NAALADL2: variants seen among roughly 807,000 people sequenced by gnomAD.
NAALADL2 encodes inactive N-acetylated-alpha-linked acidic dipeptidase-like protein 2.
NAALADL2 carries 76 observed loss-of-function variants against 87.2 expected under a neutral mutation model. The ratio of observed to expected loss-of-function variants is 0.87; its 90% confidence interval spans 0.72 to 1.05. The LOEUF (loss-of-function observed/expected upper bound fraction) is 1.05. Among genes scored for constraint, NAALADL2 ranks in the 50% least tolerant of loss-of-function variants. The pLI is 0.00. For synonymous variants in NAALADL2, 354 were observed against 331.0 expected (o/e 1.07, Z -0.75); for missense variants, 1,089 against 945.8 (o/e 1.15, Z -1.99).
intron 1 of NAALADL2, among the ~76,000 whole-genome samples, chr3:174,474,826 A>G (rs1351169606): frequency 2.0e-5 from 3 of 152,160 alleles, no homozygotes; most frequent in Admixed American, 1.3e-4. Flanking sequence ...AAAGCAATTG[A>G]GAATTTTGTT....
chr3:174,648,455 T>A (rs1461255697), intron 2 of NAALADL2, among the ~76,000 whole-genome samples: 1 of 152,120 alleles, frequency 6.6e-6, no homozygotes, highest in Non-Finnish European at 1.5e-5. Flanking sequence ...TTAGAACATA[T>A]CCTCTGCAGA....
At chr3:174,491,405 A>G (rs1237514499) in intron 1 of NAALADL2, among the ~76,000 whole-genome samples, 1 of 152,172 alleles carries the variant, frequency 6.6e-6, no homozygotes, top group Admixed American at 6.5e-5. Flanking sequence ...GTTCATTTAC[A>G]TAGTTATTTT....
chr3:174,495,679 AT>A (rs1291323462), intron 1 of NAALADL2, among the ~76,000 whole-genome samples: 1 of 31,944 alleles, frequency 3.1e-5, no homozygotes, highest in Non-Finnish European at 6.6e-5. Flanking sequence ...TTCACAGGGG[AT>A]ACTGAATCCA....
intron 1 of NAALADL2, among the ~76,000 whole-genome samples, chr3:174,973,361 C>T (rs1579805091): frequency 1.3e-5 from 2 of 152,212 alleles, no homozygotes; most frequent in African/African-American, 4.8e-5. Context: ...TTGCGATAAA[C>T]ACTATATGGT....
intron 11 of NAALADL2, among the ~76,000 whole-genome samples, chr3:175,674,824 T>C (rs1245782833): frequency 6.6e-6 from 1 of 152,226 alleles, no homozygotes; most frequent in Non-Finnish European, 1.5e-5. Context: ...GAGTTAGTTA[T>C]ACTTAAAAAC....
chr3:175,349,949 G>A (rs1288083823), intron 5 of NAALADL2, among the ~76,000 whole-genome samples: 1 of 150,610 alleles, frequency 6.6e-6, no homozygotes, highest in Non-Finnish European at 1.5e-5. Flanking sequence ...AGACATGACT[G>A]TCATTAATCC....
intron 5 of NAALADL2, among the ~76,000 whole-genome samples, chr3:175,355,090 G>T (rs1196884683): frequency 1.4e-5 from 2 of 144,932 alleles, no homozygotes; most frequent in East Asian, 2.0e-4. Flanking sequence ...TTTCTTTGAG[G>T]CAGAGTCTTG....
intron 1 of NAALADL2, among the ~76,000 whole-genome samples, chr3:174,874,493 CAT>C (rs911771722): frequency 5.9e-5 from 9 of 152,144 alleles, no homozygotes; most frequent in East Asian, 1.9e-4. Context: ...GCTGACAAAA[CAT>C]GTGTGATGTG....
chr3:174,672,468 A>AT (rs869260080), intron 2 of NAALADL2, among the ~76,000 whole-genome samples: 16 of 86,518 alleles, frequency 1.8e-4, no homozygotes, highest in Non-Finnish European at 3.2e-4. Flanking sequence ...TCAGATAAAA[A>AT]TTCTGACCTT....
In NAALADL2 at chr3:175,324,297, C is replaced by A. The variant is rs1176154217; in HGVS notation, c.1062C>A (p.Asp354Glu). The change falls in exon 5 of 14, where the codon GAC becomes GAA. Residue 354 changes from aspartate to glutamate, a missense_variant. Physicochemically the swap from Asp to Glu is conservative, Grantham distance 45. Transcript: ENST00000454872. ...TFMVSLNPGG[D>E]PSTPGYPSVD... Reference sequence around the variant, plus strand: ...TGGTGTCACTGAATCCAGGAGGAGACCCTTCTACGCCTGGTTACCCAAGTG... The same window carrying A: ...TGGTGTCACTGAATCCAGGAGGAGAACCTTCTACGCCTGGTTACCCAAGTG... 1 of 1,611,830 alleles carries A rather than the reference C, an allele frequency of 6.2e-7. No individual in the cohort carries two copies. Among genetic ancestry groups the A allele is most frequent in the East Asian group, 2.2e-5 (1 of 44,744 alleles).
chr3:175,011,270 GACA>G (rs1560472179), intron 1 of NAALADL2, among the ~76,000 whole-genome samples: 47 of 112,634 alleles, frequency 4.2e-4, no homozygotes, highest in Middle Eastern at 5.1e-3. Context: ...GAGGGAGAGA[GACA>G]GAGAGACAGA....
intron 10 of NAALADL2, among the ~76,000 whole-genome samples, chr3:175,583,868 G>C (rs4323016): frequency 6.6e-6 from 1 of 152,096 alleles, no homozygotes; most frequent in South Asian, 2.1e-4. Context: ...TTGCCAAGAG[G>C]ACAGTAAAAT....
At chr3:174,947,188 G>C (rs1739564281) in intron 1 of NAALADL2, among the ~76,000 whole-genome samples, 2 of 152,148 alleles carry the variant, frequency 1.3e-5, no homozygotes, top group South Asian at 4.1e-4. Flanking sequence ...CTATATTATA[G>C]TTATTCTGGT....
intron 2 of NAALADL2, among the ~76,000 whole-genome samples, chr3:174,725,851 C>T (rs1732130284): frequency 6.6e-6 from 1 of 152,252 alleles, no homozygotes; most frequent in Middle Eastern, 3.4e-3. Flanking sequence ...GTCTCTAAAG[C>T]GGCACCAGAG....
At chr3:174,960,060 C>T (rs1741750856) in intron 1 of NAALADL2, among the ~76,000 whole-genome samples, 1 of 151,786 alleles carries the variant, frequency 6.6e-6, no homozygotes, top group South Asian at 2.1e-4. Context: ...GGCTGCAGAC[C>T]CCGTAGTTAA....
At chr3:174,642,749 C>A (rs1723352681) in intron 2 of NAALADL2, among the ~76,000 whole-genome samples, 1 of 130,240 alleles carries the variant, frequency 7.7e-6, no homozygotes, top group Non-Finnish European at 1.7e-5. Context: ...TGAAAAAAAA[C>A]ATATATATAT....
chr3:175,103,963 T>A (rs1722669035), intron 2 of NAALADL2, among the ~76,000 whole-genome samples: 1 of 152,194 alleles, frequency 6.6e-6, no homozygotes, highest in African/African-American at 2.4e-5. Context: ...TTCTCACCAG[T>A]ACTAATTTAC....
At chr3:175,730,405 T>C (rs1409184606) in intron 11 of NAALADL2, among the ~76,000 whole-genome samples, 2 of 56,352 alleles carry the variant, frequency 3.5e-5, no homozygotes, top group Admixed American at 3.2e-4. Context: ...GATATATATA[T>C]ATATATATAT....
intron 2 of NAALADL2, among the ~76,000 whole-genome samples, chr3:175,127,833 A>G (rs1727200912): frequency 6.6e-6 from 1 of 152,174 alleles, no homozygotes; most frequent in Non-Finnish European, 1.5e-5. Flanking sequence ...AGCCTGGGCA[A>G]CATAGCAAGA....
Sources: gnomAD v4.1 joint callset for allele counts (sites outside exome capture counted in the v4.1 genomes callset) on GRCh38, gnomAD v4.1.1 for gene constraint, MANE v1.5 for transcripts, NCBI Gene and HGNC (gene_info 2026-07-23, HGNC 2026-07-21) for gene names.